CCSER1: variants seen among roughly 807,000 people sequenced by gnomAD.
CCSER1 encodes serine-rich coiled-coil domain-containing protein 1.
In CCSER1, 41 loss-of-function variants were observed where a neutral mutation model predicts 82.0. The observed-to-expected ratio is 0.50, with a 90% CI of 0.39 to 0.65. The LOEUF (loss-of-function observed/expected upper bound fraction) is 0.65, where lower values mean the gene tolerates loss of function less well. Among genes scored for constraint, CCSER1 ranks in the 30% least tolerant of loss-of-function variants. CCSER1 has a pLI of 0.00. For missense variants in CCSER1, 1,119 were observed against 1,064.2 expected (o/e 1.05, Z -0.72); for synonymous variants, 414 against 383.9 (o/e 1.08, Z -0.92).
intron 10 of CCSER1, among the ~76,000 whole-genome samples, chr4:91,468,806 A>G (rs1349766928): frequency 6.6e-6 from 1 of 152,140 alleles, no homozygotes; most frequent in Non-Finnish European, 1.5e-5. Context: ...TGCTGGAAAT[A>G]TCAGAAATAT....
chr4:90,304,769 G>T (rs530057594), intron 1 of CCSER1, among the ~76,000 whole-genome samples: 2 of 151,592 alleles, frequency 1.3e-5, no homozygotes, highest in African/African-American at 2.4e-5. Flanking sequence ...TGCACATTGC[G>T]CACATGTACC....
chr4:91,152,116 T>C (rs1217154585), intron 10 of CCSER1, among the ~76,000 whole-genome samples: 2 of 152,234 alleles, frequency 1.3e-5, no homozygotes, highest in Non-Finnish European at 2.9e-5. Flanking sequence ...TCTAAGTCTC[T>C]TTGTAGGTCT....
At chr4:90,802,524 T>G (rs56085024) in intron 7 of CCSER1, among the ~76,000 whole-genome samples, 8,952 of 151,628 alleles carry the variant, frequency 0.059, 586 homozygotes, top group African/African-American at 0.17. Context: ...TACAATGAAT[T>G]TTTAGTTAAT....
chr4:90,295,540 A>G (rs1305875588), intron 1 of CCSER1, among the ~76,000 whole-genome samples: 1 of 151,910 alleles, frequency 6.6e-6, no homozygotes, highest in African/African-American at 2.4e-5. Flanking sequence ...TTCCCCGATT[A>G]CTAATGAGTT....
chr4:91,250,853 A>T (rs574648357), intron 10 of CCSER1, among the ~76,000 whole-genome samples: 36 of 152,146 alleles, frequency 2.4e-4, no homozygotes, highest in South Asian at 4.1e-4. Flanking sequence ...AAACAGAAGG[A>T]AATATCAAGT....
At chr4:90,530,308 T>C (rs1386097890) in intron 5 of CCSER1, among the ~76,000 whole-genome samples, 1 of 152,202 alleles carries the variant, frequency 6.6e-6, no homozygotes, top group Non-Finnish European at 1.5e-5. Flanking sequence ...ATTATTGGTG[T>C]CAATGAAACT....
intron 5 of CCSER1, among the ~76,000 whole-genome samples, chr4:90,477,637 C>CT (rs11390029): frequency 0.12 from 18,312 of 151,180 alleles, 1,595 homozygotes; most frequent in East Asian, 0.37. Context: ...AAAGTATTAT[C>CT]TTTTTTTTCC....
At chr4:90,431,590 A>C (rs1218717513) in intron 4 of CCSER1, among the ~76,000 whole-genome samples, 1 of 152,064 alleles carries the variant, frequency 6.6e-6, no homozygotes, top group South Asian at 2.1e-4. Context: ...AAATTTAGAA[A>C]TCTTTCTGTA....
chr4:91,484,987 T>G (rs1344912950), intron 10 of CCSER1, among the ~76,000 whole-genome samples: 6 of 152,164 alleles, frequency 3.9e-5, no homozygotes, highest in Admixed American at 3.9e-4. Flanking sequence ...TTGTAGAAAA[T>G]CAATCTTAGA....
chr4:91,007,540 A>G (rs192310019), intron 9 of CCSER1, among the ~76,000 whole-genome samples: 19 of 151,540 alleles, frequency 1.3e-4, no homozygotes, highest in African/African-American at 4.3e-4. Context: ...GAATTTATCC[A>G]TTTCTTGTCT....
At chr4:91,140,520 A>T (rs929412632) in intron 10 of CCSER1, among the ~76,000 whole-genome samples, 3 of 152,134 alleles carry the variant, frequency 2.0e-5, no homozygotes, top group African/African-American at 7.2e-5. Flanking sequence ...GAGTCTATAA[A>T]AAGTATAAAA....
chr4:91,277,751 T>C (rs1742597373), intron 10 of CCSER1, among the ~76,000 whole-genome samples: 1 of 151,910 alleles, frequency 6.6e-6, no homozygotes. Context: ...TTCTTGCTTT[T>C]CTAATTTCTT....
intron 9 of CCSER1, among the ~76,000 whole-genome samples, chr4:90,985,053 G>GA (rs1401430841): frequency 6.6e-6 from 1 of 151,764 alleles, no homozygotes; most frequent in African/African-American, 2.4e-5. Context: ...AGGAACTGGG[G>GA]AGGGAATGGA....
At chr4:91,572,293 CT>C (rs564795022) in intron 10 of CCSER1, among the ~76,000 whole-genome samples, 135 of 152,232 alleles carry the variant, frequency 8.9e-4, no homozygotes, top group African/African-American at 3.2e-3. Flanking sequence ...CTGTCCATCT[CT>C]CTGGGAGCTT....
chr4:91,065,547 T>G (rs1043887644), intron 9 of CCSER1, among the ~76,000 whole-genome samples: 1 of 152,152 alleles, frequency 6.6e-6, no homozygotes, highest in Non-Finnish European at 1.5e-5. Context: ...GCAAATTATT[T>G]ATACAATGTT....
intron 6 of CCSER1, among the ~76,000 whole-genome samples, chr4:90,719,140 A>T (rs1207398015): frequency 3.3e-5 from 5 of 152,134 alleles, no homozygotes; most frequent in African/African-American, 1.2e-4. Context: ...CTGTGCTTAC[A>T]GCTGCTCCGC....
At chr4:90,641,772 C>A (rs529529668) in intron 6 of CCSER1, among the ~76,000 whole-genome samples, 1 of 152,268 alleles carries the variant, frequency 6.6e-6, no homozygotes, top group South Asian at 2.1e-4. Flanking sequence ...GCTAGTCATG[C>A]ATAATATTTG....
At chr4:90,205,628 T>C (rs566628068) in intron 1 of CCSER1, among the ~76,000 whole-genome samples, 5 of 152,226 alleles carry the variant, frequency 3.3e-5, no homozygotes, top group Non-Finnish European at 7.3e-5. Context: ...TTTGCATCGA[T>C]GTTCATCAGG....
At chr4:91,412,249 C>A (rs1176148301) in intron 10 of CCSER1, among the ~76,000 whole-genome samples, 2 of 152,000 alleles carry the variant, frequency 1.3e-5, no homozygotes, top group Non-Finnish European at 2.9e-5. Context: ...CCAGAACCAT[C>A]CACCGAGGAA....
Sources: gnomAD v4.1 joint callset for allele counts (sites outside exome capture counted in the v4.1 genomes callset) on GRCh38, gnomAD v4.1.1 for gene constraint, MANE v1.5 for transcripts, NCBI Gene and HGNC (gene_info 2026-07-23, HGNC 2026-07-21) for gene names.